VRK1: variants seen among roughly 807,000 people sequenced by gnomAD.
VRK1 encodes the protein serine/threonine-protein kinase VRK1.
In VRK1, 33 loss-of-function variants were observed where a neutral mutation model predicts 57.1. That is an observed-to-expected ratio of 0.58 (90% CI 0.44 to 0.77). VRK1 has a LOEUF of 0.77. Among genes scored for constraint, VRK1 ranks in the 30% least tolerant of loss-of-function variants. The pLI is 0.00. For missense variants in VRK1, 413 were observed against 477.3 expected (o/e 0.87, Z 1.25); for synonymous variants, 137 against 147.8 (o/e 0.93, Z 0.53).
intron 1 of VRK1, among the ~76,000 whole-genome samples, chr14:96,807,973 CTCTG>C (rs1885951489): frequency 8.4e-6 from 1 of 119,364 alleles, no homozygotes; most frequent in Non-Finnish European, 1.8e-5. Flanking sequence ...CTCCCTCTCT[CTCTG>C]TCTCTCTCCC....
chr14:96,856,325 A>G (rs1888152623), intron 9 of VRK1, 75 bp downstream of exon 9: 2 of 1,554,674 alleles, frequency 1.3e-6, no homozygotes, highest in Admixed American at 3.4e-5. Context: ...TCTTGATAGG[A>G]ACTATAGTTT....
intron 4 of VRK1, among the ~76,000 whole-genome samples, chr14:96,846,784 CAGTAT>C (rs1398169011): frequency 6.7e-6 from 1 of 150,204 alleles, no homozygotes; most frequent in Non-Finnish European, 1.5e-5. Context: ...AAAACTAGTA[CAGTAT>C]AACTATTGAC....
chr14:96,853,137 C>T lies in VRK1; in HGVS notation c.547C>T (p.Leu183Phe). Reference protein sequence around the residue: ...YVHGDIKASNLLLNYKNPDQV... With the variant: ...YVHGDIKASNFLLNYKNPDQV... ...GCATGGAGATATCAAGGCCTCAAATCTTCTTCTGAACTACAAGAATCCTGA... is the reference window on the plus strand; with the variant it reads ...GCATGGAGATATCAAGGCCTCAAATTTTCTTCTGAACTACAAGAATCCTGA... The change falls in exon 7 of 13, where the codon CTT becomes TTT. Residue 183 changes from leucine to phenylalanine, a missense_variant. This residue lies in a region of VRK1 where 151 missense variants were observed against 225.5 expected (regional missense o/e 0.67). Transcript: ENST00000216639. 1 of 1,613,700 alleles carries T rather than the reference C, an allele frequency of 6.2e-7. No individual in the cohort carries two copies. The highest frequency in any genetic ancestry group is 8.5e-7 in the Non-Finnish European group (1 of 1,179,762).
intron 3 of VRK1, among the ~76,000 whole-genome samples, chr14:96,839,178 T>G (rs1424548772): frequency 6.6e-6 from 1 of 151,960 alleles, no homozygotes; most frequent in East Asian, 1.9e-4. Flanking sequence ...TTGTAACTTC[T>G]TATGCTCAGC....
chr14:96,869,876 C>A (rs1302763983), intron 11 of VRK1, among the ~76,000 whole-genome samples: 1 of 152,050 alleles, frequency 6.6e-6, no homozygotes, highest in Non-Finnish European at 1.5e-5. Flanking sequence ...TCTAATGTAG[C>A]CCAATTTGTT....
intron 1 of VRK1, among the ~76,000 whole-genome samples, chr14:96,828,424 T>G (rs115233227): frequency 0.015 from 2,244 of 152,312 alleles, 63 homozygotes; most frequent in African/African-American, 0.051. Context: ...AAATGCTGCT[T>G]AAACTCCTTA....
chr14:96,879,940 A>G (rs1335796072), intron 12 of VRK1, among the ~76,000 whole-genome samples: 1 of 151,746 alleles, frequency 6.6e-6, no homozygotes, highest in Admixed American at 6.6e-5. Flanking sequence ...AAAAAAAATA[A>G]TAATAATAAA....
chr14:96,830,470 C>T (rs527802825), intron 1 of VRK1, among the ~76,000 whole-genome samples: 4 of 151,368 alleles, frequency 2.6e-5, no homozygotes, highest in Middle Eastern at 3.4e-3. Flanking sequence ...TTTTTATTTC[C>T]GAACTGATTT....
intron 1 of VRK1, among the ~76,000 whole-genome samples, chr14:96,808,920 A>G (rs1221624310): frequency 6.6e-6 from 1 of 152,146 alleles, no homozygotes; most frequent in Admixed American, 6.5e-5. Context: ...CTGCCCTACA[A>G]TGCTTGGGGT....
intron 1 of VRK1, among the ~76,000 whole-genome samples, chr14:96,804,676 G>T (rs955243513): frequency 1.3e-5 from 2 of 152,190 alleles, no homozygotes; most frequent in Non-Finnish European, 2.9e-5. Flanking sequence ...TGATAGAAAT[G>T]GTATTAAAGA....
intron 2 of VRK1, among the ~76,000 whole-genome samples, chr14:96,835,474 G>A (rs1887176646): frequency 6.6e-6 from 1 of 152,032 alleles, no homozygotes; most frequent in Non-Finnish European, 1.5e-5. Flanking sequence ...AGTGATATCA[G>A]GCTTCTCCTG....
At chr14:96,819,719 G>C (rs1886526441) in intron 1 of VRK1, among the ~76,000 whole-genome samples, 1 of 152,160 alleles carries the variant, frequency 6.6e-6, no homozygotes, top group South Asian at 2.1e-4. Flanking sequence ...TCTGCATCCT[G>C]CTGGTTGTGC....
intron 3 of VRK1, among the ~76,000 whole-genome samples, chr14:96,840,656 C>T (rs1051296785): frequency 6.6e-6 from 1 of 152,036 alleles, no homozygotes; most frequent in Non-Finnish European, 1.5e-5. Flanking sequence ...TTCTTAGGCT[C>T]ATTAGGAGTT....
At chr14:96,811,843 G>A (rs1595642580) in intron 1 of VRK1, among the ~76,000 whole-genome samples, 1 of 151,474 alleles carries the variant, frequency 6.6e-6, no homozygotes, top group East Asian at 1.9e-4. Context: ...TCATTAAAAG[G>A]TATAATTCAG....
chr14:96,832,071 A>G (rs566935560), intron 1 of VRK1, among the ~76,000 whole-genome samples: 5 of 152,316 alleles, frequency 3.3e-5, no homozygotes, highest in Non-Finnish European at 4.4e-5. Context: ...AACTTAGAGA[A>G]GATTTAGACA....
chr14:96,870,920 T>C (rs768302821), intron 11 of VRK1, among the ~76,000 whole-genome samples: 1 of 152,146 alleles, frequency 6.6e-6, no homozygotes, highest in Non-Finnish European at 1.5e-5. Flanking sequence ...TGCTCTAAAA[T>C]AAGTGAATAG....
At chr14:96,829,374 A>G (rs1031489760) in intron 1 of VRK1, among the ~76,000 whole-genome samples, 1 of 152,122 alleles carries the variant, frequency 6.6e-6, no homozygotes, top group Non-Finnish European at 1.5e-5. Context: ...TAAGACTACA[A>G]TTTGTTTGCT....
chr14:96,821,149 T>C (rs1167253683), intron 1 of VRK1, among the ~76,000 whole-genome samples: 1 of 152,236 alleles, frequency 6.6e-6, no homozygotes, highest in African/African-American at 2.4e-5. Context: ...TGCATATAGC[T>C]GAATGCAGCT....
At chr14:96,837,949 A>G in intron 3 of VRK1, 132 bp downstream of exon 3, 1 of 502,092 alleles carries the variant, frequency 2.0e-6, no homozygotes. Flanking sequence ...AAAAATATTT[A>G]ATAAGACACA....
Sources: allele counts gnomAD v4.1 joint callset (sites outside exome capture counted in the v4.1 genomes callset), GRCh38; gene constraint gnomAD v4.1.1; regional missense constraint gnomAD v4.1.1; transcripts MANE v1.5; gene names NCBI Gene and HGNC (gene_info 2026-07-23, HGNC 2026-07-21).